Variants in ENOX1 observed in about 807,000 individuals in gnomAD.
The protein encoded by ENOX1 is candidate growth-related and time keeping constitutive hydroquinone (NADH) oxidase.
A neutral mutation model predicts 82.5 loss-of-function variants in ENOX1; 42 were observed. That is an observed-to-expected ratio of 0.51 (90% CI 0.40 to 0.66). The LOEUF (loss-of-function observed/expected upper bound fraction) is 0.66, where lower values mean the gene tolerates loss of function less well. Ranked by LOEUF, ENOX1 falls within the 30% of genes least tolerant of loss-of-function variation. The pLI, the probability that ENOX1 is intolerant of heterozygous loss-of-function variation, is 0.00. For missense variants in ENOX1, 608 were observed against 811.6 expected (o/e 0.75, Z 3.05); for synonymous variants, 271 against 282.2 (o/e 0.96, Z 0.40).
intron 2 of ENOX1, among the ~76,000 whole-genome samples, chr13:43,612,283 G>T (rs979093313): frequency 6.6e-6 from 1 of 151,434 alleles, no homozygotes; most frequent in Non-Finnish European, 1.5e-5. Context: ...GACCAGCCCA[G>T]CTAACAGCAG....
intron 2 of ENOX1, among the ~76,000 whole-genome samples, chr13:43,565,309 A>G (rs961329462): frequency 6.6e-6 from 1 of 152,188 alleles, no homozygotes; most frequent in East Asian, 1.9e-4. Context: ...GGCTGGAGTC[A>G]AGTGCCAGAG....
intron 1 of ENOX1, among the ~76,000 whole-genome samples, chr13:43,670,640 G>T (rs2085214857): frequency 6.6e-6 from 1 of 152,086 alleles, no homozygotes; most frequent in South Asian, 2.1e-4. Flanking sequence ...GATCACTTGA[G>T]GTCAGGAGTT....
chr13:43,680,347 C>T (rs114982014), intron 1 of ENOX1, among the ~76,000 whole-genome samples: 7,112 of 152,168 alleles, frequency 0.047, 339 homozygotes, highest in African/African-American at 0.12. Flanking sequence ...CAGCTTTGCC[C>T]CTAGAGGCCC....
intron 11 of ENOX1, among the ~76,000 whole-genome samples, chr13:43,313,713 T>C (rs890207159): frequency 2.6e-5 from 4 of 152,220 alleles, no homozygotes; most frequent in Non-Finnish European, 5.9e-5. Flanking sequence ...ACAATTGGAA[T>C]TATCCATGCT....
chr13:43,596,680 G>C (rs553709950), intron 2 of ENOX1, among the ~76,000 whole-genome samples: 9 of 152,196 alleles, frequency 5.9e-5, no homozygotes, highest in African/African-American at 1.9e-4. Context: ...AAAATTATAG[G>C]TTTCATGTGT....
At chr13:43,550,718 G>A (rs1256357116) in intron 2 of ENOX1, among the ~76,000 whole-genome samples, 1 of 152,152 alleles carries the variant, frequency 6.6e-6, no homozygotes, top group East Asian at 1.9e-4. Context: ...CCATGATAAT[G>A]TGCTCAAAAA....
At chr13:43,502,612 T>C (rs972217351) in intron 2 of ENOX1, among the ~76,000 whole-genome samples, 4 of 151,710 alleles carry the variant, frequency 2.6e-5, no homozygotes, top group East Asian at 1.9e-4. Context: ...AAAAATCACA[T>C]GATAATATTA....
At chr13:43,592,037 C>T (rs1261568473) in intron 2 of ENOX1, among the ~76,000 whole-genome samples, 1 of 151,744 alleles carries the variant, frequency 6.6e-6, no homozygotes, top group Non-Finnish European at 1.5e-5. Context: ...ATCCCAGAGC[C>T]CCTCTAGAGG....
intron 2 of ENOX1, among the ~76,000 whole-genome samples, chr13:43,538,832 C>G (rs759373430): frequency 1.1e-4 from 16 of 152,130 alleles, no homozygotes; most frequent in East Asian, 9.7e-4. Flanking sequence ...CCTCCCCGCC[C>G]CTGCCCTTTT....
intron 5 of ENOX1, chr13:43,394,565 AG>A (rs1319676929): frequency 6.6e-6 from 1 of 152,218 alleles, no homozygotes; most frequent in African/African-American, 2.4e-5. Flanking sequence ...GCCTCAAACA[AG>A]GGCCACGAGG....
intron 3 of ENOX1, among the ~76,000 whole-genome samples, chr13:43,469,302 G>A (rs926577221): frequency 6.6e-6 from 1 of 151,920 alleles, no homozygotes; most frequent in African/African-American, 2.4e-5. Context: ...TTATTAGTGG[G>A]ATAAATTATA....
chr13:43,272,023 C>T (rs1469610296), intron 12 of ENOX1, among the ~76,000 whole-genome samples: 1 of 151,504 alleles, frequency 6.6e-6, no homozygotes, highest in South Asian at 2.1e-4. Flanking sequence ...ATAGATTTTC[C>T]CCTTTTATTC....
intron 1 of ENOX1, among the ~76,000 whole-genome samples, chr13:43,768,337 C>A (rs1489031414): frequency 6.6e-6 from 1 of 152,190 alleles, no homozygotes; most frequent in Non-Finnish European, 1.5e-5. Context: ...TGTGTTGGCT[C>A]ATGTCTATAA....
At chr13:43,713,459 T>C (rs1259209617) in intron 1 of ENOX1, among the ~76,000 whole-genome samples, 1 of 152,086 alleles carries the variant, frequency 6.6e-6, no homozygotes, top group African/African-American at 2.4e-5. Flanking sequence ...CCTTTTTTTC[T>C]ATTGATTGGA....
At position 43,730,372 on chromosome 13, in the gene ENOX1, T is replaced by G. The variant is rs186013366; in HGVS notation, c.-285+56280A>C. ...CTCAATCTGTTGTTAGCACCAGCCA[T>G]CCACCAGATAGCCAAACAAGGACTT... On this transcript the variant is annotated intron_variant, in intron 1 of 16. Coordinates refer to ENST00000690772, the MANE Select transcript of ENOX1 (RefSeq NM_001347969.2). Among the ~76,000 whole-genome samples, 103 of 152,274 alleles carry G rather than the reference T, an allele frequency of 6.8e-4. 1 individual carries two copies. The highest frequency in any genetic ancestry group is 2.9e-4 in the Non-Finnish European group (20 of 68,008).
intron 2 of ENOX1, among the ~76,000 whole-genome samples, chr13:43,508,300 T>A (rs1041992095): frequency 1.3e-5 from 2 of 151,994 alleles, no homozygotes; most frequent in African/African-American, 4.8e-5. Flanking sequence ...CTCTTCCTCC[T>A]CTTCTATGTG....
rs1004247103 is a variant in ENOX1, at chr13:43,353,031, C to G, written c.823+2888G>C. 3.3e-5 allele frequency among the ~76,000 whole-genome samples: 5 copies of G among 152,232 alleles called. No individual in the cohort carries two copies. In the East Asian group the frequency reaches 9.6e-4, roughly 29 times the overall value. On this transcript the variant is annotated intron_variant, in intron 8 of 16. Coordinates refer to ENST00000690772, the MANE Select transcript of ENOX1 (RefSeq NM_001347969.2). Reference sequence around the variant, plus strand: ...GGCTTGTTCACCGTTGTCCTTTCCACCACTGGCTAGGACAGCGCCAGTCAT... The same window carrying G: ...GGCTTGTTCACCGTTGTCCTTTCCAGCACTGGCTAGGACAGCGCCAGTCAT...
intron 2 of ENOX1, among the ~76,000 whole-genome samples, chr13:43,543,001 C>G (rs971838310): frequency 1.6e-4 from 25 of 152,144 alleles, no homozygotes; most frequent in African/African-American, 5.8e-4. Context: ...CTCCCAAAGG[C>G]CCTACCACCT....
intron 1 of ENOX1, among the ~76,000 whole-genome samples, chr13:43,739,421 C>T (rs922884091): frequency 2.0e-5 from 3 of 151,932 alleles, no homozygotes; most frequent in South Asian, 2.1e-4. Context: ...TGGTGGCATG[C>T]GCCTGTAGTC....
Sources: allele counts gnomAD v4.1 joint callset (sites outside exome capture counted in the v4.1 genomes callset), GRCh38; gene constraint gnomAD v4.1.1; transcripts MANE v1.5; gene names NCBI Gene and HGNC (gene_info 2026-07-23, HGNC 2026-07-21).